Variants in CD38 observed in about 807,000 individuals in gnomAD.
CD38 encodes ADP-ribosyl cyclase/cyclic ADP-ribose hydrolase 1.
CD38 carries 31 observed loss-of-function variants against 36.3 expected under a neutral mutation model. That is an observed-to-expected ratio of 0.85 (90% CI 0.64 to 1.15). The LOEUF is 1.15. Among genes scored for constraint, CD38 ranks in the 50% most tolerant of loss-of-function variants. The pLI, the probability that CD38 is intolerant of heterozygous loss-of-function variation, is 0.00. For synonymous variants in CD38, 131 were observed against 135.2 expected (o/e 0.97, Z 0.22); for missense variants, 380 against 371.9 (o/e 1.02, Z -0.18).
chr4:15,809,463 T>C (rs1723418334), intron 1 of CD38, among the ~76,000 whole-genome samples: 1 of 152,226 alleles, frequency 6.6e-6, no homozygotes, highest in Non-Finnish European at 1.5e-5. Flanking sequence ...GGTTGACCAT[T>C]AGAATCGTTT....
rs754987537 is a variant in CD38 at position 15,785,942 on chromosome 4, G to A, written c.233+7295G>A. Reference sequence around the variant, plus strand: ...GGGCTCGTGGTCTCGCTGGCTTCAGGAGTGAAGCTGCAGACCTTCACGGTG... The same window carrying A: ...GGGCTCGTGGTCTCGCTGGCTTCAGAAGTGAAGCTGCAGACCTTCACGGTG... On this transcript the variant is annotated intron_variant, in intron 1 of 7. Transcript: ENST00000226279. Among the ~76,000 whole-genome samples, 45 of 152,296 alleles carry A rather than the reference G, an allele frequency of 3.0e-4. 1 individual carries two copies. Among genetic ancestry groups the A allele is most frequent in the Non-Finnish European group, 4.4e-4 (30 of 68,024 alleles).
intron 1 of CD38, among the ~76,000 whole-genome samples, chr4:15,813,928 T>G (rs1265987578): frequency 6.6e-6 from 1 of 152,246 alleles, no homozygotes; most frequent in Non-Finnish European, 1.5e-5. Flanking sequence ...TGTGTCTTTA[T>G]AGTACAATGA....
At chr4:15,799,192 G>A (rs1379732051) in intron 1 of CD38, among the ~76,000 whole-genome samples, 2 of 152,104 alleles carry the variant, frequency 1.3e-5, no homozygotes, top group East Asian at 3.8e-4. Context: ...TTTGTGTGTG[G>A]TGAAATTAGG....
At chr4:15,785,403 C>T (rs530922369) in intron 1 of CD38, among the ~76,000 whole-genome samples, 125 of 152,192 alleles carry the variant, frequency 8.2e-4, no homozygotes, top group African/African-American at 3.0e-3. Flanking sequence ...ACCTTTTGGC[C>T]TTGTGTTTTG....
At chr4:15,821,585 G>A (rs552015296) in intron 2 of CD38, among the ~76,000 whole-genome samples, 44 of 149,530 alleles carry the variant, frequency 2.9e-4, no homozygotes, top group Non-Finnish European at 5.5e-4. Context: ...TAGAAGAAAT[G>A]AATAAATTTC....
At chr4:15,841,937 C>T (rs1724220959) in intron 7 of CD38, among the ~76,000 whole-genome samples, 1 of 133,962 alleles carries the variant, frequency 7.5e-6, no homozygotes, top group African/African-American at 3.2e-5. Context: ...TGATTGCTAG[C>T]ACAGCAGTCT....
At chr4:15,823,826 C>A (rs987929392) in intron 2 of CD38, among the ~76,000 whole-genome samples, 2 of 151,978 alleles carry the variant, frequency 1.3e-5, no homozygotes, top group African/African-American at 4.8e-5. Context: ...TAATAGAAAT[C>A]ATTCTATTAT....
intron 1 of CD38, among the ~76,000 whole-genome samples, chr4:15,815,533 T>C (rs1305250600): frequency 6.6e-6 from 1 of 152,146 alleles, no homozygotes; most frequent in African/African-American, 2.4e-5. Flanking sequence ...CAATTTTGAA[T>C]GGGAGTTCAC....
chr4:15,813,633 G>T (rs1723521205), intron 1 of CD38, among the ~76,000 whole-genome samples: 1 of 151,764 alleles, frequency 6.6e-6, no homozygotes, highest in Non-Finnish European at 1.5e-5. Flanking sequence ...GGTGTGTGTT[G>T]TTCCCCTCCC....
chr4:15,835,621 G>T (rs1371406575), intron 4 of CD38, among the ~76,000 whole-genome samples: 4 of 151,062 alleles, frequency 2.6e-5, no homozygotes, highest in African/African-American at 9.7e-5. Context: ...CAGGTGATCC[G>T]CCAGCCTTGG....
At chr4:15,837,987 G>A in intron 4 of CD38, 105 bp from the exon 5 acceptor site, 2 of 871,256 alleles carry the variant, frequency 2.3e-6, no homozygotes, top group Non-Finnish European at 3.7e-6. Context: ...AACCATATGG[G>A]ATATCCTTCC....
chr4:15,826,782 T>C (rs1723861464), intron 3 of CD38, among the ~76,000 whole-genome samples: 1 of 152,070 alleles, frequency 6.6e-6, no homozygotes, highest in East Asian at 1.9e-4. Flanking sequence ...GTATATGAGA[T>C]AGTTTATTTA....
At chr4:15,840,355 T>C in intron 6 of CD38, 97 bp from the exon 7 acceptor site, 1 of 835,894 alleles carries the variant, frequency 1.2e-6, no homozygotes, top group Admixed American at 2.2e-5. Flanking sequence ...TACCTCTTTA[T>C]CCAAGGGCCT....
At chr4:15,829,012 T>C (rs1395570783) in intron 3 of CD38, among the ~76,000 whole-genome samples, 1 of 152,352 alleles carries the variant, frequency 6.6e-6, no homozygotes, top group East Asian at 1.9e-4. Flanking sequence ...ATTATACCCT[T>C]CTGACAGGTG....
At chr4:15,837,039 C>T (rs1329188861) in intron 4 of CD38, among the ~76,000 whole-genome samples, 1 of 152,192 alleles carries the variant, frequency 6.6e-6, no homozygotes, top group African/African-American at 2.4e-5. Context: ...TTCATGGGCA[C>T]TTTATAGTTT....
At chr4:15,793,898 T>A (rs1262658826) in intron 1 of CD38, among the ~76,000 whole-genome samples, 1 of 152,150 alleles carries the variant, frequency 6.6e-6, no homozygotes, top group Non-Finnish European at 1.5e-5. Flanking sequence ...ACTGAAAAAA[T>A]GAATTTCCAT....
At chr4:15,811,357 A>G (rs995210153) in intron 1 of CD38, among the ~76,000 whole-genome samples, 1 of 152,192 alleles carries the variant, frequency 6.6e-6, no homozygotes, top group African/African-American at 2.4e-5. Flanking sequence ...CAAGGTTATG[A>G]CAATTTTTTA....
intron 4 of CD38, among the ~76,000 whole-genome samples, chr4:15,835,515 C>G (rs1466185967): frequency 6.6e-6 from 1 of 151,706 alleles, no homozygotes; most frequent in Non-Finnish European, 1.5e-5. Context: ...GTAGCTGGGA[C>G]TGCAGGTGTG....
At chr4:15,837,340 A>G (rs67553434) in intron 4 of CD38, among the ~76,000 whole-genome samples, 58,287 of 151,604 alleles carry the variant, frequency 0.38, 12,411 homozygotes, top group African/African-American at 0.58. Flanking sequence ...AACAGAGGCC[A>G]TGTTTTTTTT....
Sources: gnomAD v4.1 joint callset for allele counts (sites outside exome capture counted in the v4.1 genomes callset) on GRCh38, gnomAD v4.1.1 for gene constraint, MANE v1.5 for transcripts, NCBI Gene and HGNC (gene_info 2026-07-23, HGNC 2026-07-21) for gene names.